Variants in BORCS5 observed in about 807,000 individuals in gnomAD.
The protein encoded by BORCS5 is BLOC-1-related complex subunit 5.
A neutral mutation model predicts 22.1 loss-of-function variants in BORCS5; 17 were observed. That is an observed-to-expected ratio of 0.77 (90% CI 0.53 to 1.15). BORCS5 has a LOEUF of 1.15. Ranked by LOEUF, BORCS5 falls within the 50% of genes most tolerant of loss-of-function variation. The pLI, the probability that BORCS5 is intolerant of heterozygous loss-of-function variation, is 0.00. For missense variants in BORCS5, 247 were observed against 253.2 expected, an observed-to-expected ratio of 0.98 and a Z score of 0.17; for synonymous variants, 117 against 99.8, an observed-to-expected ratio of 1.17 and a Z score of -1.03.
At chr12:12,411,927 CAT>C (rs1941745817) in intron 2 of BORCS5, among the ~76,000 whole-genome samples, 1 of 152,166 alleles carries the variant, frequency 6.6e-6, no homozygotes, top group Non-Finnish European at 1.5e-5. Context: ...CCCCAACAAT[CAT>C]ATGACTTTAT....
chr12:12,453,455 C>G (rs999843747), intron 3 of BORCS5, among the ~76,000 whole-genome samples: 1 of 152,142 alleles, frequency 6.6e-6, no homozygotes, highest in Admixed American at 6.5e-5. Flanking sequence ...TTTACTTAGC[C>G]TCAACAATTT....
At chr12:12,462,439 T>C (rs922256633) in intron 3 of BORCS5, among the ~76,000 whole-genome samples, 1 of 152,196 alleles carries the variant, frequency 6.6e-6, no homozygotes, top group Non-Finnish European at 1.5e-5. Flanking sequence ...TCTGGGTAAT[T>C]TTCTAAAATC....
Position 12,414,328 on chromosome 12 carries a change from C to T in BORCS5, c.203-21300C>T, listed in dbSNP as rs112766335. Among the ~76,000 whole-genome samples the T allele has an allele frequency of 3.1e-3, 229 of 73,108 alleles. 19 individuals are homozygous for T. The highest frequency in any genetic ancestry group is 6.9e-3 in the East Asian group (16 of 2,306). 48.0% of individuals were successfully genotyped at this position (73,108 alleles called of 152,430 possible). ...CTCCCGGACGGGGCGGCTGGCCAGG[C>T]GGGGGGCTGGCCCCCCCACCTCCCT... On this transcript the variant is annotated intron_variant, in intron 2 of 3. Coordinates refer to ENST00000314565, the MANE Select transcript of BORCS5 (RefSeq NM_058169.6).
chr12:12,364,269 G>A (rs1017430398), intron 2 of BORCS5, among the ~76,000 whole-genome samples: 7 of 152,164 alleles, frequency 4.6e-5, no homozygotes, highest in Admixed American at 2.6e-4. Context: ...CCAGCTACTT[G>A]GGAGGCTGAG....
At chr12:12,388,902 C>T (rs1863939685) in intron 2 of BORCS5, among the ~76,000 whole-genome samples, 1 of 149,984 alleles carries the variant, frequency 6.7e-6, no homozygotes, top group Admixed American at 6.6e-5. Context: ...TGGTTGAAGC[C>T]AGTCCTCTGA....
intron 2 of BORCS5, among the ~76,000 whole-genome samples, chr12:12,380,087 A>C (rs1022022248): frequency 6.6e-6 from 1 of 151,358 alleles, no homozygotes; most frequent in African/African-American, 2.4e-5. Flanking sequence ...GTCAGAGCAC[A>C]TGCAACACTT....
At chr12:12,413,680 CCGGA>C in intron 2 of BORCS5, among the ~76,000 whole-genome samples, 1 of 129,702 alleles carries the variant, frequency 7.7e-6, no homozygotes. Flanking sequence ...CCCTCACCTC[CCGGA>C]TGGGGCGGCT....
chr12:12,417,071 G>A, intron 2 of BORCS5, among the ~76,000 whole-genome samples: 1 of 152,036 alleles, frequency 6.6e-6, no homozygotes. Flanking sequence ...GATTACAGGT[G>A]TGAGTCATCC....
chr12:12,455,756 G>C (rs940845162), intron 3 of BORCS5, among the ~76,000 whole-genome samples: 1 of 149,046 alleles, frequency 6.7e-6, no homozygotes, highest in Non-Finnish European at 1.5e-5. Context: ...TGCAGCATGG[G>C]CAACAGAGTG....
chr12:12,450,949 A>G (rs950930075), intron 3 of BORCS5, among the ~76,000 whole-genome samples: 1 of 152,242 alleles, frequency 6.6e-6, no homozygotes, highest in Admixed American at 6.5e-5. Context: ...CAATAATTAA[A>G]ATAACTAGAG....
intron 2 of BORCS5, among the ~76,000 whole-genome samples, chr12:12,414,162 A>C (rs1397565934): frequency 1.3e-4 from 7 of 55,908 alleles, no homozygotes; most frequent in South Asian, 7.3e-4. Flanking sequence ...CGGGGGGCTG[A>C]CCCCCCCACC....
intron 3 of BORCS5, among the ~76,000 whole-genome samples, chr12:12,447,681 C>A (rs1199750018): frequency 6.6e-6 from 1 of 152,200 alleles, no homozygotes; most frequent in African/African-American, 2.4e-5. Flanking sequence ...CTGCTAAGCT[C>A]TGTTCTCTGA....
intron 3 of BORCS5, among the ~76,000 whole-genome samples, chr12:12,437,643 C>T (rs2136127324): frequency 6.6e-6 from 1 of 152,272 alleles, no homozygotes; most frequent in South Asian, 2.1e-4. Flanking sequence ...TAAAGAAAGC[C>T]AGACTTTTGA....
chr12:12,430,886 A>T (rs1405584514), intron 2 of BORCS5, among the ~76,000 whole-genome samples: 1 of 152,114 alleles, frequency 6.6e-6, no homozygotes, highest in African/African-American at 2.4e-5. Flanking sequence ...GTTTTTTTCC[A>T]TGTAAGTACA....
intron 2 of BORCS5, among the ~76,000 whole-genome samples, chr12:12,362,306 C>T (rs919655466): frequency 6.6e-6 from 1 of 152,122 alleles, no homozygotes; most frequent in Middle Eastern, 3.2e-3. Context: ...TTACACTGTT[C>T]CACACTATTT....
At position 12,420,523 on chromosome 12, in the gene BORCS5, T is replaced by C. The variant is rs550125844; in HGVS notation, c.203-15105T>C. ...TTTTTGCTTAGGATTGTCTTGGCAA[T>C]GCGGGCTCTTTTTTGGTTCCATATG... is the stretch of plus-strand genomic sequence containing the variant. On this transcript the variant is annotated intron_variant, in intron 2 of 3. Coordinates refer to ENST00000314565, the MANE Select transcript of BORCS5 (RefSeq NM_058169.6). 1.9e-3 allele frequency among the ~76,000 whole-genome samples: 294 copies of C among 152,294 alleles called. 2 individuals carry two copies. Among genetic ancestry groups the C allele is most frequent in the Non-Finnish European group, 3.2e-3 (220 of 68,020 alleles).
chr12:12,363,613 T>C (rs1456698736), intron 2 of BORCS5, among the ~76,000 whole-genome samples: 1 of 152,104 alleles, frequency 6.6e-6, no homozygotes, highest in East Asian at 1.9e-4. Context: ...GGCGGGTGCC[T>C]GTAGTCCCAG....
chr12:12,435,718 A>G lies in BORCS5; in HGVS notation c.293A>G (p.Asp98Gly), dbSNP rs1465161495. ...QVLQLCLRYQ[D>G]HLHQCAEAVA... is the part of the protein sequence containing the mutation. ...TTGCAGCTCTGCCTCCGATATCAAG[A>G]TCACCTGCATCAGTGTGCAGAGGCC... Residue 98 changes from aspartate to glycine, a missense_variant, in exon 3 of 4, where the codon GAT becomes GGT. By Grantham distance (94) the Asp-to-Gly change is moderately conservative. Transcript: ENST00000314565. The G allele has an allele frequency of 6.2e-7, 1 of 1,614,144 alleles. No individual in the cohort carries two copies. Among genetic ancestry groups the G allele is most frequent in the East Asian group, 2.2e-5 (1 of 44,884 alleles).
At position 12,468,001 on chromosome 12, in the gene BORCS5, G is replaced by C. The variant is rs1943230163; in HGVS notation, c.*2225G>C. 1 of 152,226 alleles carries C rather than the reference G, an allele frequency of 6.6e-6. No homozygotes were observed. The highest frequency in any genetic ancestry group is 2.4e-5 in the African/African-American group (1 of 41,450). 9.4% of individuals were successfully genotyped at this position (152,226 alleles called of 1,614,324 possible). On this transcript the variant is annotated 3_prime_UTR_variant, in exon 4 of 4. Transcript: ENST00000314565. ...CAGCTTCTTGGTCTGCAGCCACAAG[G>C]ATGAAGGTTTGGGGATGAGAGACCA...
Sources: gnomAD v4.1 joint callset for allele counts (sites outside exome capture counted in the v4.1 genomes callset) on GRCh38, gnomAD v4.1.1 for gene constraint, MANE v1.5 for transcripts, NCBI Gene and HGNC (gene_info 2026-07-23, HGNC 2026-07-21) for gene names.